The following SEMA4B variants were observed in gnomAD, a reference collection of about 807,000 sequenced individuals.
SEMA4B encodes semaphorin 4B.
A neutral mutation model predicts 88.1 loss-of-function variants in SEMA4B; 55 were observed. That is an observed-to-expected ratio of 0.62 (90% CI 0.50 to 0.78). The LOEUF is 0.78. Ranked by LOEUF, SEMA4B falls within the 30% of genes least tolerant of loss-of-function variation. The pLI is 0.00. For synonymous variants in SEMA4B, 525 were observed against 473.6 expected (o/e 1.11, Z -1.41); for missense variants, 1,062 against 1,111.9 (o/e 0.96, Z 0.64).
chr15:90,213,212 G>A (rs1309645511), intron 1 of SEMA4B, among the ~76,000 whole-genome samples: 1 of 152,188 alleles, frequency 6.6e-6, no homozygotes, highest in Non-Finnish European at 1.5e-5. Flanking sequence ...AGGAAAACGG[G>A]GCTTTGAGAG....
In SEMA4B at chr15:90,224,357, C is replaced by T. The variant is rs141620927; in HGVS notation, c.1194+369C>T. 3.9e-3 allele frequency among the ~76,000 whole-genome samples: 601 copies of T among 152,302 alleles called. 2 individuals carry two copies. The highest frequency in any genetic ancestry group is 0.014 in the African/African-American group (571 of 41,556). On this transcript the variant is annotated intron_variant, in intron 9 of 13. Transcript: ENST00000411539. ...ATAATCCTTTCTTCCTCCCTTCTAGCCTAACGGGCTACCCTGATAGCAGAC... is the reference window on the plus strand; with the variant it reads ...ATAATCCTTTCTTCCTCCCTTCTAGTCTAACGGGCTACCCTGATAGCAGAC...
chr15:90,228,443 C>T lies in SEMA4B; in HGVS notation c.2314C>T (p.Leu772Phe). ...PVVLPPETRP[L>F]NGLGPPSTPL... ...GGTGCTGCCCCCTGAGACCCGCCCACTCAACGGCCTAGGGCCCCCTAGCAC... is the reference window on the plus strand; with the variant it reads ...GGTGCTGCCCCCTGAGACCCGCCCATTCAACGGCCTAGGGCCCCCTAGCAC... Residue 772 changes from leucine (L) to phenylalanine (F), a missense_variant, in exon 14 of 14, where the codon CTC (leucine) becomes TTC (phenylalanine). By Grantham distance (22) the Leu-to-Phe change is conservative (BLOSUM62 0). Coordinates refer to ENST00000411539, the MANE Select transcript of SEMA4B (RefSeq NM_198925.4). 2 of 1,610,872 alleles carry T rather than the reference C, an allele frequency of 1.2e-6. No homozygotes were observed. Among genetic ancestry groups the T allele is most frequent in the Non-Finnish European group, 8.5e-7 (1 of 1,178,750 alleles).
At chr15:90,186,234 T>G (rs1388733193) in intron 1 of SEMA4B, among the ~76,000 whole-genome samples, 1 of 151,996 alleles carries the variant, frequency 6.6e-6, no homozygotes, top group Non-Finnish European at 1.5e-5. Flanking sequence ...ACGCCTGGCC[T>G]TTTTGGAGAT....
chr15:90,217,499 T>C lies in SEMA4B; in HGVS notation c.218T>C (p.Leu73Pro). Residue 73 changes from leucine (L) to proline (P), a missense_variant, in exon 2 of 14, where the codon CTT becomes CCT. By Grantham distance (98) the Leu-to-Pro change is moderately conservative. Transcript: ENST00000411539. ...GAACACATCTCCAACTACACAGCCC[T>C]TCTGCTGAGCAGGGATGGCAGGACC... ...EAEHISNYTA[L>P]LLSRDGRTLY... 1 of 1,613,958 alleles carries C rather than the reference T, an allele frequency of 6.2e-7. No homozygotes were observed. Among genetic ancestry groups the C allele is most frequent in the Non-Finnish European group, 8.5e-7 (1 of 1,179,878 alleles).
At chr15:90,219,081 G>A in intron 3 of SEMA4B, 1 of 152,358 alleles carries the variant, frequency 6.6e-6, no homozygotes. Context: ...TGGTAGAGAA[G>A]CCTCCATGGG....
intron 1 of SEMA4B, chr15:90,217,057 T>G (rs8036241): frequency 0.41 from 68,029 of 164,594 alleles, 15,199 homozygotes; most frequent in African/African-American, 0.59. Context: ...CATGCCTTTC[T>G]TGCCTGTTTT....
chr15:90,228,759 C>T lies in SEMA4B; in HGVS notation c.*116C>T. 7.3e-7 allele frequency: 1 copy of T among 1,362,084 alleles called. No individual in the cohort carries two copies. Among genetic ancestry groups the T allele is most frequent in the Non-Finnish European group, 1.0e-6 (1 of 1,003,122 alleles). 84.4% of individuals were successfully genotyped at this position (1,362,084 alleles called of 1,614,324 possible). ...TGGAACACGACCGTGGTGCCCGGCC[C>T]TTGGGAGCCTTGGGGCCAGCTGGCC... On this transcript the variant is annotated 3_prime_UTR_variant, in exon 14 of 14. Transcript: ENST00000411539.
rs1962406622 is a variant in SEMA4B at position 90,229,650 on chromosome 15, T to C, written c.*1007T>C. ...TCATTTTTTAATAAAGTCTGAAGAA[T>C]TACTGTTTAATCCTGGCTCTTCCTC... On this transcript the variant is annotated 3_prime_UTR_variant, in exon 14 of 14. Coordinates refer to ENST00000411539, the MANE Select transcript of SEMA4B (RefSeq NM_198925.4). The C allele has an allele frequency of 3.0e-6, 1 of 333,548 alleles. No homozygotes were observed. Among genetic ancestry groups the C allele is most frequent in the Non-Finnish European group, 5.9e-6 (1 of 170,570 alleles). The allele number at this position is 333,548 out of a possible 1,614,324, so 20.7% of individuals were successfully genotyped here. A position where few individuals can be genotyped will look rare whatever the true frequency, so the allele number is the denominator to read the frequency against.
At chr15:90,227,477 C>T (rs1962228334) in intron 12 of SEMA4B, 80 bp from the exon 13 acceptor site, 2 of 1,359,306 alleles carry the variant, frequency 1.5e-6, no homozygotes, top group East Asian at 2.4e-5. Context: ...CTTGCCCAGG[C>T]CCAAGTCTGC....
intron 1 of SEMA4B, among the ~76,000 whole-genome samples, chr15:90,209,026 A>C (rs558559596): frequency 6.6e-6 from 1 of 152,270 alleles, no homozygotes; most frequent in South Asian, 2.1e-4. Context: ...GAGTGGTAGC[A>C]GTGCTTCTCA....
chr15:90,215,794 A>G (rs1961506360), intron 1 of SEMA4B, among the ~76,000 whole-genome samples: 1 of 152,164 alleles, frequency 6.6e-6, no homozygotes, highest in Non-Finnish European at 1.5e-5. Flanking sequence ...CCTGGGCAAC[A>G]GAGTGAGACT....
rs199521358 is a variant in SEMA4B, at chr15:90,227,369, G to A, written c.1689-188G>A. On this transcript the variant is annotated intron_variant, in intron 12 of 13. Transcript: ENST00000411539. The stretch of plus-strand genomic sequence containing the variant: ...GCCACTGAGGGTACATACTGTTTAT[G>A]TAATTAAGGGAAGTGTTATCTTAGC... 38 of 597,112 alleles carry A rather than the reference G, an allele frequency of 6.4e-5. No homozygotes were observed. In the East Asian group the frequency reaches 7.3e-4, roughly 11 times the overall value. The allele number at this position is 597,112 out of a possible 1,614,324, so 37.0% of individuals were successfully genotyped here.
At chr15:90,196,756 G>A (rs1285445901), upstream of SEMA4B, among the ~76,000 whole-genome samples, 1 of 152,134 alleles carries the variant, frequency 6.6e-6, no homozygotes, top group African/African-American at 2.4e-5. Context: ...CAAAGTGCTG[G>A]GATTACAGGC....
chr15:90,201,358 GGCTGCGGGGCCGGCGCCGGCGGGAGGACT>G lies in SEMA4B; in HGVS notation c.-218_-190del. ...TGCGGGTGAGCTCTGCCCAAGCCGA[GGCTGCGGGGCCGGCGCCGGCGGGAGGACT>G]GCGGTGCCCCGCGGAGGGGCTGAGT... On this transcript the variant is annotated 5_prime_UTR_variant, in exon 1 of 14. Coordinates refer to ENST00000411539, the MANE Select transcript of SEMA4B (RefSeq NM_198925.4). 4.8e-6 allele frequency: 6 copies of G among 1,244,890 alleles called. No homozygotes were observed. Among genetic ancestry groups the G allele is most frequent in the Non-Finnish European group, 5.0e-6 (5 of 994,230 alleles). The allele number at this position is 1,244,890 out of a possible 1,614,324, so 77.1% of individuals were successfully genotyped here.
chr15:90,185,813 C>T (rs1172231744), intron 1 of SEMA4B, among the ~76,000 whole-genome samples: 1 of 151,890 alleles, frequency 6.6e-6, no homozygotes, highest in Non-Finnish European at 1.5e-5. Context: ...CATCCCCCCT[C>T]ATTTTCATAA....
rs150800172 is a variant in SEMA4B, at chr15:90,218,150, C to G, written c.384+321C>G. 3.5e-4 allele frequency among the ~76,000 whole-genome samples: 53 copies of G among 152,312 alleles called. No individual in the cohort carries two copies. The East Asian group carries it at 9.8e-3, about 28-fold the overall frequency. ...CCTGGCTCATAGATACAAGACCTAACAAGTCAGCTTCCAGCGTGAACAGAG... is the reference window on the plus strand; with the variant it reads ...CCTGGCTCATAGATACAAGACCTAAGAAGTCAGCTTCCAGCGTGAACAGAG... On this transcript the variant is annotated intron_variant, in intron 3 of 13. Coordinates refer to ENST00000411539, the MANE Select transcript of SEMA4B (RefSeq NM_198925.4).
chr15:90,185,290 C>T (rs761554556), intron 1 of SEMA4B, among the ~76,000 whole-genome samples: 77 of 152,372 alleles, frequency 5.1e-4, no homozygotes, highest in Middle Eastern at 6.8e-3. Context: ...GGAGGCTGGG[C>T]CCGCGTTCCC....
Position 90,228,345 on chromosome 15 carries a change from G to C in SEMA4B, c.2216G>C (p.Arg739Pro). The C allele has an allele frequency of 1.2e-6, 2 of 1,601,276 alleles. No homozygotes were observed. The highest frequency in any genetic ancestry group is 1.7e-6 in the Non-Finnish European group (2 of 1,173,316). The change falls in exon 14 of 14, where the codon CGG becomes CCG. Residue 739 changes from arginine to proline, a missense_variant. Transcript: ENST00000411539. ...VLLPVLFLLY[R>P]HRNSMKVFLK... is the part of the protein sequence containing the mutation. ...CTCCCAGTTTTATTCTTGCTCTACC[G>C]GCACCGGAACAGCATGAAAGTCTTC...
intron 7 of SEMA4B, among the ~76,000 whole-genome samples, chr15:90,222,802 G>C (rs542139091): frequency 6.6e-6 from 1 of 151,816 alleles, no homozygotes; most frequent in African/African-American, 2.4e-5. Flanking sequence ...ATTAATCCAC[G>C]CAAAGCTCTT....
Sources: gnomAD v4.1 joint callset for allele counts (sites outside exome capture counted in the v4.1 genomes callset) on GRCh38, gnomAD v4.1.1 for gene constraint, MANE v1.5 for transcripts, NCBI Gene and HGNC (gene_info 2026-07-23, HGNC 2026-07-21) for gene names.